CACNB4: variants seen among roughly 807,000 people sequenced by gnomAD.
CACNB4 encodes voltage-dependent L-type calcium channel subunit beta-4.
A neutral mutation model predicts 71.2 loss-of-function variants in CACNB4; 32 were observed. The observed-to-expected ratio is 0.45, with a 90% confidence interval of 0.34 to 0.60. The LOEUF is 0.60. Among genes scored for constraint, CACNB4 ranks in the 20% least tolerant of loss-of-function variants. The pLI is 0.01. For synonymous variants in CACNB4, 231 were observed against 236.9 expected (o/e 0.97, Z 0.23); for missense variants, 464 against 647.9 (o/e 0.72, Z 3.08).
Position 151,860,766 on chromosome 2 carries a change from T to C in CACNB4, c.813A>G (p.Leu271=). 12 of 1,613,842 alleles carry C rather than the reference T, an allele frequency of 7.4e-6. No homozygotes were observed. Among genetic ancestry groups the C allele is most frequent in the Non-Finnish European group, 1.0e-5 (12 of 1,179,750 alleles). ...ADISLAKRSV[L]NNPSKRAIIE... The stretch of plus-strand genomic sequence containing the variant: ...TTATTGCTCTCTTGCTGGGATTATT[T>C]AGGACAGACCTCTTAGCAAGAGAAA... The change falls in exon 10 of 14, where the codon CTA becomes CTG. Residue 271 remains leucine (L), a synonymous_variant. Coordinates refer to ENST00000539935, the MANE Select transcript of CACNB4 (RefSeq NM_000726.5).
intron 12 of CACNB4, chr2:151,850,359 C>T (rs2099838762): frequency 6.6e-6 from 1 of 152,232 alleles, no homozygotes; most frequent in South Asian, 2.1e-4. Flanking sequence ...TCAGGCTGGT[C>T]TCAAACTCCT....
At chr2:151,867,963 A>G (rs1020133592) in intron 9 of CACNB4, 1 of 152,230 alleles carries the variant, frequency 6.6e-6, no homozygotes, top group Admixed American at 6.5e-5. Context: ...TTTGGGGTCT[A>G]TTTATTAAGG....
chr2:151,928,096 C>T (rs76363093), intron 2 of CACNB4, among the ~76,000 whole-genome samples: 1,962 of 152,294 alleles, frequency 0.013, 19 homozygotes, highest in Admixed American at 0.023. Flanking sequence ...TCCATCAGCT[C>T]CGGCTGCTCA....
intron 2 of CACNB4, among the ~76,000 whole-genome samples, chr2:152,013,872 T>C (rs1379299642): frequency 2.6e-5 from 4 of 152,256 alleles, no homozygotes; most frequent in African/African-American, 9.6e-5. Flanking sequence ...TTGCTCCATA[T>C]GGATGAAATG....
At chr2:151,926,791 T>C (rs1019679139) in intron 2 of CACNB4, among the ~76,000 whole-genome samples, 1 of 152,202 alleles carries the variant, frequency 6.6e-6, no homozygotes. Flanking sequence ...GACTGTGCTC[T>C]TCTGCTCTAC....
intron 2 of CACNB4, among the ~76,000 whole-genome samples, chr2:152,057,339 A>G (rs534750543): frequency 6.4e-4 from 98 of 152,342 alleles, no homozygotes; most frequent in African/African-American, 2.3e-3. Flanking sequence ...CAGGTGATAC[A>G]GAAGACACAG....
At chr2:151,889,745 C>T (rs2099850277) in intron 2 of CACNB4, among the ~76,000 whole-genome samples, 1 of 152,152 alleles carries the variant, frequency 6.6e-6, no homozygotes, top group African/African-American at 2.4e-5. Context: ...AATGTGCTTC[C>T]TTTTCCTTCA....
At chr2:152,083,322 AG>A (rs1687462802) in intron 2 of CACNB4, among the ~76,000 whole-genome samples, 1 of 147,024 alleles carries the variant, frequency 6.8e-6, no homozygotes, top group Non-Finnish European at 1.5e-5. Flanking sequence ...AAAGAAAGCA[AG>A]CAAGGAAAGC....
At chr2:151,967,865 G>C (rs895439663) in intron 2 of CACNB4, 3 of 151,994 alleles carry the variant, frequency 2.0e-5, no homozygotes, top group African/African-American at 7.3e-5. Context: ...AAAGGACACA[G>C]GAAGTACTGA....
intron 2 of CACNB4, among the ~76,000 whole-genome samples, chr2:151,935,626 C>T (rs571880959): frequency 6.6e-6 from 1 of 152,268 alleles, no homozygotes; most frequent in South Asian, 2.1e-4. Context: ...AATCCATATG[C>T]GGATAGAAAT....
chr2:152,003,142 G>A (rs1682520387), intron 2 of CACNB4, among the ~76,000 whole-genome samples: 1 of 152,108 alleles, frequency 6.6e-6, no homozygotes, highest in Non-Finnish European at 1.5e-5. Context: ...TTATTATCCA[G>A]ATTTTAAAAA....
rs2099834841 is a variant in CACNB4, at chr2:151,836,162, G to A, written c.*2957C>T. 6.6e-6 allele frequency: 1 copy of A among 151,716 alleles called. No individual in the cohort carries two copies. The highest frequency in any genetic ancestry group is 1.5e-5 in the Non-Finnish European group (1 of 67,696). 9.4% of individuals were successfully genotyped at this position (151,716 alleles called of 1,614,324 possible). On this transcript the variant is annotated 3_prime_UTR_variant, in exon 14 of 14. Transcript: ENST00000539935. ...GACAAATTGCATTCGTTTTTTTCCAGAACTACATTTCCACATTGTCACATG... is the reference window on the plus strand; with the variant it reads ...GACAAATTGCATTCGTTTTTTTCCAAAACTACATTTCCACATTGTCACATG...
At chr2:152,021,629 C>G (rs1683671468) in intron 2 of CACNB4, among the ~76,000 whole-genome samples, 1 of 152,146 alleles carries the variant, frequency 6.6e-6, no homozygotes, top group Non-Finnish European at 1.5e-5. Flanking sequence ...AATAATAAAA[C>G]AATGTCTCTT....
intron 2 of CACNB4, among the ~76,000 whole-genome samples, chr2:151,938,512 C>A (rs1196958982): frequency 6.6e-6 from 1 of 152,188 alleles, no homozygotes; most frequent in Non-Finnish European, 1.5e-5. Context: ...CACTTGCACA[C>A]AGATGAGCAC....
chr2:151,877,050 CAT>C (rs2099846580), intron 4 of CACNB4, among the ~76,000 whole-genome samples: 1 of 134,280 alleles, frequency 7.4e-6, no homozygotes, highest in Non-Finnish European at 1.6e-5. Context: ...TATATATACA[CAT>C]AGATAGCTAT....
intron 2 of CACNB4, among the ~76,000 whole-genome samples, chr2:151,889,661 G>A (rs911813995): frequency 2.0e-5 from 3 of 152,106 alleles, no homozygotes; most frequent in African/African-American, 4.8e-5. Context: ...GGGTAGATGA[G>A]TGAATATAAC....
At chr2:152,033,296 G>A (rs896863991) in intron 2 of CACNB4, among the ~76,000 whole-genome samples, 8 of 152,190 alleles carry the variant, frequency 5.3e-5, no homozygotes, top group Non-Finnish European at 1.0e-4. Context: ...TTAAATCCCC[G>A]CTTGGTGGTG....
chr2:152,054,466 T>C (rs1458873517), intron 2 of CACNB4, among the ~76,000 whole-genome samples: 1 of 152,050 alleles, frequency 6.6e-6, no homozygotes, highest in Non-Finnish European at 1.5e-5. Context: ...ATTTTACTTA[T>C]CCACTCATCA....
At chr2:152,095,292 T>C (rs532084043) in intron 2 of CACNB4, among the ~76,000 whole-genome samples, 1 of 152,280 alleles carries the variant, frequency 6.6e-6, no homozygotes, top group South Asian at 2.1e-4. Context: ...TGTTCATGTG[T>C]GTGCATGCAC....
Sources: gnomAD v4.1 joint callset for allele counts (sites outside exome capture counted in the v4.1 genomes callset) on GRCh38, gnomAD v4.1.1 for gene constraint, MANE v1.5 for transcripts, NCBI Gene and HGNC (gene_info 2026-07-23, HGNC 2026-07-21) for gene names.